Variants in MERTK observed in about 807,000 individuals in gnomAD.
MERTK encodes the protein tyrosine-protein kinase Mer.
In MERTK, 69 loss-of-function variants were observed where a neutral mutation model predicts 99.3. The observed-to-expected ratio is 0.70, with a 90% CI of 0.57 to 0.85. The LOEUF (loss-of-function observed/expected upper bound fraction) is 0.85, where lower values mean the gene tolerates loss of function less well. MERTK is among the 40% of genes least tolerant of loss of function. The pLI is 0.00. For synonymous variants in MERTK, 426 were observed against 467.6 expected (o/e 0.91, Z 1.15); for missense variants, 1,125 against 1,249.4 (o/e 0.90, Z 1.50).
chr2:111,947,606 T>G, intron 4 of MERTK, 39 bp downstream of exon 4: 1 of 1,611,372 alleles, frequency 6.2e-7, no homozygotes, highest in Non-Finnish European at 8.5e-7. Context: ...TATTCTCTAA[T>G]AGCGGACAGG....
intron 9 of MERTK, chr2:111,995,105 C>T (rs1365019052): frequency 6.3e-6 from 1 of 159,168 alleles, no homozygotes; most frequent in Non-Finnish European, 1.4e-5. Flanking sequence ...TACTGCTTTG[C>T]CATGTTTTTA....
chr2:111,997,204 T>C, intron 9 of MERTK, 119 bp from the exon 10 acceptor site: 1 of 1,192,128 alleles, frequency 8.4e-7, no homozygotes, highest in Non-Finnish European at 1.3e-6. Flanking sequence ...TGCCTATATT[T>C]GTAGATTATA....
intron 13 of MERTK, among the ~76,000 whole-genome samples, chr2:112,006,817 G>A (rs10864895): frequency 0.33 from 49,757 of 151,826 alleles, 8,459 homozygotes; most frequent in Middle Eastern, 0.5. Context: ...AATAGGTGAG[G>A]GCAAATTTTT....
intron 2 of MERTK, among the ~76,000 whole-genome samples, chr2:111,944,537 C>CTGTTTTAAGTAATTATTCCTT (rs1558781453): frequency 6.6e-6 from 1 of 151,830 alleles, no homozygotes; most frequent in Admixed American, 6.6e-5. Flanking sequence ...GGAATTAGCT[C>CTGTTTTAAGTAATTATTCCTT]ACACACAGTG....
chr2:111,982,820 T>C (rs1470113604), intron 7 of MERTK, 22 bp from the exon 8 acceptor site: 1 of 1,613,118 alleles, frequency 6.2e-7, no homozygotes, highest in East Asian at 2.2e-5. Flanking sequence ...TCTTCATTCT[T>C]CTCTCCTTTT....
chr2:112,019,357 T>A, intron 15 of MERTK, 56 bp from the exon 16 acceptor site: 1 of 1,336,406 alleles, frequency 7.5e-7, no homozygotes, highest in Non-Finnish European at 1.1e-6. Context: ...CAGAAACTGC[T>A]TGCAAGTTTT....
rs932790754 is a variant in MERTK, at chr2:112,029,240, A to G, written c.*376A>G. The G allele has an allele frequency of 4.0e-6, 4 of 988,922 alleles. No individual in the cohort carries two copies. In the African/African-American group the frequency reaches 7.0e-5, roughly 17 times the overall value. 61.3% of individuals were successfully genotyped at this position (988,922 alleles called of 1,614,324 possible). A position where few individuals can be genotyped will look rare whatever the true frequency, so the allele number is the denominator to read the frequency against. ...CTATTAAATGTAAAAATATTTGTAA[A>G]ATGAAATGCCATATTTGACTTGGCT... On this transcript the variant is annotated 3_prime_UTR_variant, in exon 19 of 19. Transcript: ENST00000295408.
chr2:111,909,387 C>T (rs1463849181), intron 1 of MERTK, among the ~76,000 whole-genome samples: 1 of 152,210 alleles, frequency 6.6e-6, no homozygotes, highest in Non-Finnish European at 1.5e-5. Context: ...CAAAGGAATT[C>T]TTAACAGGCC....
chr2:111,912,081 C>T (rs1684261269), intron 1 of MERTK, among the ~76,000 whole-genome samples: 1 of 151,970 alleles, frequency 6.6e-6, no homozygotes, highest in African/African-American at 2.4e-5. Flanking sequence ...CGGCTCACTG[C>T]AACCTCCACC....
chr2:112,020,745 G>C (rs1677324363), intron 16 of MERTK: 4 of 466,822 alleles, frequency 8.6e-6, no homozygotes, highest in Admixed American at 2.4e-5. Flanking sequence ...AGGCTGCTGG[G>C]GTCCTGGATC....
intron 1 of MERTK, among the ~76,000 whole-genome samples, chr2:111,925,292 A>ATATTTTTTTTTT (rs372747015): frequency 4.1e-5 from 1 of 24,488 alleles, no homozygotes; most frequent in African/African-American, 1.4e-4. Flanking sequence ...ATATATATAT[A>ATATTTTTTTTTT]TTTTTTTTTT....
intron 8 of MERTK, among the ~76,000 whole-genome samples, chr2:111,984,122 G>C (rs1379557454): frequency 1.3e-5 from 2 of 152,090 alleles, no homozygotes; most frequent in Non-Finnish European, 2.9e-5. Context: ...AGGGGCAGTG[G>C]TGTAGATCTC....
intron 18 of MERTK, among the ~76,000 whole-genome samples, chr2:112,028,034 T>G (rs1022649017): frequency 6.6e-6 from 1 of 152,228 alleles, no homozygotes; most frequent in Non-Finnish European, 1.5e-5. Context: ...GACAGTGGGC[T>G]GGATTTGGCT....
intron 13 of MERTK, among the ~76,000 whole-genome samples, chr2:112,005,951 G>A (rs1253614022): frequency 1.3e-5 from 2 of 151,946 alleles, no homozygotes; most frequent in Non-Finnish European, 2.9e-5. Flanking sequence ...GCATGAACTC[G>A]GCTCACTGCA....
intron 7 of MERTK, among the ~76,000 whole-genome samples, chr2:111,982,600 A>T (rs1573618553): frequency 2.6e-5 from 4 of 152,252 alleles, no homozygotes; most frequent in Admixed American, 2.6e-4. Flanking sequence ...GTTCTGGCTG[A>T]TATTTTCAAC....
chr2:111,965,520 G>A (rs1447060449), intron 5 of MERTK, among the ~76,000 whole-genome samples: 1 of 152,216 alleles, frequency 6.6e-6, no homozygotes, highest in Non-Finnish European at 1.5e-5. Flanking sequence ...ACTCAGAAGT[G>A]CCTGGCATAT....
At chr2:111,901,270 T>C (rs1275401341) in intron 1 of MERTK, among the ~76,000 whole-genome samples, 1 of 152,216 alleles carries the variant, frequency 6.6e-6, no homozygotes, top group East Asian at 1.9e-4. Flanking sequence ...ACTTAGCTCA[T>C]GACGAGGCTG....
At chr2:111,945,501 T>C (rs1267566349) in intron 3 of MERTK, among the ~76,000 whole-genome samples, 1 of 152,160 alleles carries the variant, frequency 6.6e-6, no homozygotes, top group Non-Finnish European at 1.5e-5. Context: ...CCCTGGAGGG[T>C]GAGTGGTTTT....
intron 7 of MERTK, among the ~76,000 whole-genome samples, chr2:111,981,311 A>T (rs1180965484): frequency 6.6e-6 from 1 of 152,186 alleles, no homozygotes; most frequent in Non-Finnish European, 1.5e-5. Flanking sequence ...TACTTTTTAC[A>T]ATCTGATTTT....
Sources: gnomAD v4.1 joint callset for allele counts (sites outside exome capture counted in the v4.1 genomes callset) on GRCh38, gnomAD v4.1.1 for gene constraint, MANE v1.5 for transcripts, NCBI Gene and HGNC (gene_info 2026-07-23, HGNC 2026-07-21) for gene names.